Variants in PCDH9 observed in about 807,000 individuals in gnomAD.
The protein encoded by PCDH9 is protocadherin-9.
PCDH9 carries 24 observed loss-of-function variants against 70.6 expected under a neutral mutation model. The observed-to-expected ratio is 0.34, with a 90% confidence interval of 0.25 to 0.48. The LOEUF is 0.48. PCDH9 is among the 20% of genes least tolerant of loss of function. The pLI is 0.99. For missense variants in PCDH9, 1,281 were observed against 1,503.6 expected (o/e 0.85, Z 2.45); for synonymous variants, 562 against 558.5 (o/e 1.01, Z -0.09).
intron 2 of PCDH9, among the ~76,000 whole-genome samples, chr13:67,058,335 G>A (rs995612959): frequency 3.9e-5 from 6 of 152,100 alleles, no homozygotes; most frequent in African/African-American, 1.4e-4. Flanking sequence ...CTTCTCTGCA[G>A]GATATGATTG....
chr13:66,761,338 G>T (rs1189041054), intron 3 of PCDH9, among the ~76,000 whole-genome samples: 1 of 152,000 alleles, frequency 6.6e-6, no homozygotes, highest in African/African-American at 2.4e-5. Flanking sequence ...TTGAAATATT[G>T]GGGGCTGGCT....
At position 67,227,427 on chromosome 13, in the gene PCDH9, A is replaced by T; in HGVS notation, c.1014T>A (p.Thr338=). The change falls in exon 2 of 5, where the codon ACT becomes ACA. Residue 338 remains threonine, a synonymous_variant. Transcript: ENST00000377865. This position sits in a 1 kb window ranked among gnomAD's most constrained non-coding sequence, Gnocchi z 4.6. The part of the protein sequence containing the change: ...VTVLASDGSS[T]PARATVTINV... ...TGATGGTAACCGTTGCTCGAGCAGGAGTGGAGCTGCCGTCACTAGCCAGCA... is the reference window on the plus strand; with the variant it reads ...TGATGGTAACCGTTGCTCGAGCAGGTGTGGAGCTGCCGTCACTAGCCAGCA... 1 of 1,613,912 alleles carries T rather than the reference A, an allele frequency of 6.2e-7. No homozygotes were observed. The highest frequency in any genetic ancestry group is 1.3e-5 in the African/African-American group (1 of 75,020).
chr13:66,749,099 C>A (rs545469827), intron 3 of PCDH9, among the ~76,000 whole-genome samples: 1 of 152,304 alleles, frequency 6.6e-6, no homozygotes, highest in African/African-American at 2.4e-5. Flanking sequence ...CCTCCCCAGC[C>A]ATGTGGAACT....
chr13:66,490,386 G>A (rs1462409726), intron 4 of PCDH9, among the ~76,000 whole-genome samples: 18 of 152,094 alleles, frequency 1.2e-4, no homozygotes, highest in African/African-American at 1.7e-4. Context: ...ATGTGGTGCT[G>A]CTCTCAAGGG....
intron 2 of PCDH9, among the ~76,000 whole-genome samples, chr13:66,926,515 G>A (rs550653418): frequency 3.3e-5 from 5 of 152,026 alleles, no homozygotes; most frequent in South Asian, 2.1e-4. Flanking sequence ...TAGCTCTTAC[G>A]TACCAAGGAC....
intron 4 of PCDH9, chr13:66,323,097 C>T (rs904803308): frequency 1.3e-5 from 2 of 151,980 alleles, no homozygotes; most frequent in Non-Finnish European, 2.9e-5. Flanking sequence ...ACAAGATTAG[C>T]AGTGCAGATG....
chr13:66,939,220 T>C (rs964536122), intron 2 of PCDH9, among the ~76,000 whole-genome samples: 26 of 152,252 alleles, frequency 1.7e-4, no homozygotes, highest in Non-Finnish European at 3.5e-4. Flanking sequence ...TTAAATATTA[T>C]TGTTTTTTCT....
chr13:66,835,794 A>C (rs1476699302), intron 3 of PCDH9, among the ~76,000 whole-genome samples: 2 of 152,188 alleles, frequency 1.3e-5, no homozygotes, highest in African/African-American at 4.8e-5. Context: ...GACTGCTTTT[A>C]ATTTGACTAT....
rs1046630308 is a variant in PCDH9 at position 67,104,114 on chromosome 13, G to A, written c.3036+121291C>T. On this transcript the variant is annotated intron_variant, in intron 2 of 4. Transcript: ENST00000377865. ...AAAAGAATAGGCATGGAGTTCATGA[G>A]ACTCATATGAAGAACCAACTGACAG... Among the ~76,000 whole-genome samples the A allele has an allele frequency of 2.0e-5, 3 of 152,218 alleles. No homozygotes were observed. In the East Asian group the frequency reaches 5.8e-4, roughly 29 times the overall value.
intron 2 of PCDH9, among the ~76,000 whole-genome samples, chr13:67,100,129 A>C (rs1026195856): frequency 3.3e-5 from 5 of 152,166 alleles, no homozygotes; most frequent in Non-Finnish European, 5.9e-5. Context: ...CCCAGTCGCT[A>C]AGGAACTTGA....
At chr13:66,983,830 T>A (rs964483836) in intron 2 of PCDH9, among the ~76,000 whole-genome samples, 2 of 151,844 alleles carry the variant, frequency 1.3e-5, no homozygotes, top group Non-Finnish European at 2.9e-5. Flanking sequence ...TTTTTTTTGT[T>A]TTTGTTTTTG....
chr13:66,832,180 T>A (rs569764478), intron 3 of PCDH9, among the ~76,000 whole-genome samples: 6 of 152,080 alleles, frequency 3.9e-5, no homozygotes, highest in Non-Finnish European at 5.9e-5. Flanking sequence ...GATTAAAAAA[T>A]TAATGATTAT....
At position 66,424,247 on chromosome 13, in the gene PCDH9, C is replaced by G. The variant is rs987275379; in HGVS notation, c.3341-119219G>C. Among the ~76,000 whole-genome samples the G allele has an allele frequency of 1.4e-4, 22 of 152,152 alleles. 1 individual carries two copies. Among genetic ancestry groups the G allele is most frequent in the Admixed American group, 1.4e-3 (22 of 15,268 alleles). ...AATCAGTATTGTGAAAATGGCCATA[C>G]TGCCCAGAGTAATTTATAGATTCAA... is the stretch of plus-strand genomic sequence containing the variant. On this transcript the variant is annotated intron_variant, in intron 4 of 4. Transcript: ENST00000377865.
chr13:66,992,902 TAA>T (rs35934997), intron 2 of PCDH9, among the ~76,000 whole-genome samples: 226 of 138,976 alleles, frequency 1.6e-3, no homozygotes, highest in Middle Eastern at 0.011. Flanking sequence ...CTCTGACTCC[TAA>T]AAAAAAAAAA....
chr13:66,319,644 C>A (rs1955717511), intron 4 of PCDH9, among the ~76,000 whole-genome samples: 1 of 152,074 alleles, frequency 6.6e-6, no homozygotes, highest in South Asian at 2.1e-4. Flanking sequence ...ACTATCATTA[C>A]CCCTAGGCCT....
chr13:67,024,577 A>G (rs1016249636), intron 2 of PCDH9, among the ~76,000 whole-genome samples: 1 of 152,010 alleles, frequency 6.6e-6, no homozygotes, highest in African/African-American at 2.4e-5. Flanking sequence ...TGGAAATAGC[A>G]TATATTGGTT....
intron 4 of PCDH9, among the ~76,000 whole-genome samples, chr13:66,614,765 C>T (rs554950909): frequency 6.6e-6 from 1 of 152,302 alleles, no homozygotes; most frequent in Admixed American, 6.5e-5. Flanking sequence ...TTTTTACTTT[C>T]TGCAGAAAGG....
At chr13:66,564,584 A>T (rs1222756838) in intron 4 of PCDH9, among the ~76,000 whole-genome samples, 1 of 152,090 alleles carries the variant, frequency 6.6e-6, no homozygotes, top group Non-Finnish European at 1.5e-5. Context: ...GACAAACTAA[A>T]ATCAACAGCC....
At chr13:66,548,576 T>A (rs1021535634) in intron 4 of PCDH9, among the ~76,000 whole-genome samples, 3 of 151,826 alleles carry the variant, frequency 2.0e-5, no homozygotes, top group African/African-American at 7.3e-5. Context: ...AAAATAAAAA[T>A]TAAACGTTCA....
Sources: gnomAD v4.1 joint callset for allele counts (sites outside exome capture counted in the v4.1 genomes callset) on GRCh38, gnomAD v4.1.1 for gene constraint, Gnocchi (gnomAD v3.1) non-coding constraint, MANE v1.5 for transcripts, NCBI Gene and HGNC (gene_info 2026-07-23, HGNC 2026-07-21) for gene names.